UNC13C: variants seen among roughly 807,000 people sequenced by gnomAD.
UNC13C encodes the protein unc-13 homolog C, also known as protein unc-13 homolog C.
Under a neutral mutation model 245.4 loss-of-function variants are expected in UNC13C, and 174 were observed. The observed-to-expected ratio is 0.71, with a 90% CI of 0.63 to 0.80. UNC13C has a LOEUF of 0.80. UNC13C is among the 30% of genes least tolerant of loss of function. UNC13C has a pLI of 0.00. For synonymous variants in UNC13C, 992 were observed against 895.1 expected, an observed-to-expected ratio of 1.11 and a Z score of -1.93; for missense variants, 2,829 against 2,602.9, an observed-to-expected ratio of 1.09 and a Z score of -1.89.
chr15:54,244,664 T>C (rs1409056191), intron 7 of UNC13C, among the ~76,000 whole-genome samples: 4 of 152,214 alleles, frequency 2.6e-5, no homozygotes, highest in East Asian at 1.9e-4. Context: ...TAGTTTGTAG[T>C]TCTCCTTGAA....
At chr15:53,870,000 T>C in the UNC13C span, among the ~76,000 whole-genome samples, 4 of 152,224 alleles carry the variant, frequency 2.6e-5, no homozygotes, top group Non-Finnish European at 2.9e-5. Flanking sequence ...CCTAAGACTT[T>C]TGCAAAATCT....
At chr15:54,060,993 G>A (rs912516645) in intron 2 of UNC13C, among the ~76,000 whole-genome samples, 4 of 152,070 alleles carry the variant, frequency 2.6e-5, no homozygotes, top group African/African-American at 4.8e-5. Flanking sequence ...GGGAGGGAGA[G>A]CATTAGGAGA....
intron 19 of UNC13C, among the ~76,000 whole-genome samples, chr15:54,433,964 A>C (rs2040926623): frequency 6.6e-6 from 1 of 152,288 alleles, no homozygotes; most frequent in East Asian, 1.9e-4. Flanking sequence ...CCAAGTCATG[A>C]GTGAACTCCT....
chr15:54,326,498 G>A (rs1413304017), intron 14 of UNC13C, among the ~76,000 whole-genome samples: 8 of 152,004 alleles, frequency 5.3e-5, no homozygotes, highest in African/African-American at 1.9e-4. Context: ...ACTCTAGGCT[G>A]AAATTTTGCA....
intron 2 of UNC13C, among the ~76,000 whole-genome samples, chr15:54,019,198 T>C (rs569302075): frequency 1.3e-5 from 2 of 152,356 alleles, no homozygotes; most frequent in South Asian, 4.1e-4. Context: ...ATTCAGCTAA[T>C]AAGTGGTGGA....
At chr15:54,322,145 A>G (rs1447411219) in intron 14 of UNC13C, 50 bp downstream of exon 14, 3 of 1,469,074 alleles carry the variant, frequency 2.0e-6, no homozygotes, top group Non-Finnish European at 2.7e-6. Flanking sequence ...TATGGGAGTT[A>G]CATTTCAAGA....
intron 2 of UNC13C, among the ~76,000 whole-genome samples, chr15:54,061,834 A>C (rs1191982236): frequency 1.3e-5 from 2 of 152,216 alleles, no homozygotes; most frequent in East Asian, 3.9e-4. Flanking sequence ...ATTGAAAACC[A>C]GAAAGAGACT....
At chr15:53,984,034 T>C (rs993608706) in intron 1 of UNC13C, among the ~76,000 whole-genome samples, 17 of 152,062 alleles carry the variant, frequency 1.1e-4, no homozygotes, top group Admixed American at 8.5e-4. Flanking sequence ...AATCTTCCAA[T>C]TGTTTTATCT....
At chr15:53,847,511 C>A in the UNC13C span, among the ~76,000 whole-genome samples, 2 of 148,134 alleles carry the variant, frequency 1.4e-5, no homozygotes, top group African/African-American at 5.0e-5. Flanking sequence ...TGTCCACCAC[C>A]ATGCCTGGCT....
chr15:54,093,754 G>T (rs754300060), intron 2 of UNC13C, among the ~76,000 whole-genome samples: 4 of 152,088 alleles, frequency 2.6e-5, no homozygotes, highest in African/African-American at 9.7e-5. Flanking sequence ...TTTCAATTCC[G>T]ATGGAGAAAA....
intron 30 of UNC13C, among the ~76,000 whole-genome samples, chr15:54,589,747 A>C (rs1898686221): frequency 1.3e-5 from 2 of 151,602 alleles, no homozygotes; most frequent in South Asian, 4.2e-4. Flanking sequence ...ATTTTCTCCC[A>C]CTCTGTGGAT....
intron 2 of UNC13C, among the ~76,000 whole-genome samples, chr15:54,089,424 C>A (rs761782370): frequency 1.3e-5 from 2 of 152,006 alleles, no homozygotes; most frequent in Non-Finnish European, 2.9e-5. Flanking sequence ...GCCAGAGAAG[C>A]AAAATTTCAA....
At chr15:54,076,966 A>G (rs1013394447) in intron 2 of UNC13C, among the ~76,000 whole-genome samples, 8 of 152,220 alleles carry the variant, frequency 5.3e-5, no homozygotes, top group African/African-American at 4.8e-5. Flanking sequence ...AATCTGTGGA[A>G]TGGTATTTTA....
chr15:54,426,643 AGAAGT>A (rs1010332979), intron 19 of UNC13C, among the ~76,000 whole-genome samples: 2 of 151,476 alleles, frequency 1.3e-5, no homozygotes, highest in Non-Finnish European at 3.0e-5. Context: ...GTAAATAGTA[AGAAGT>A]AGAGATTATT....
chr15:54,125,242 T>C (rs2030958795), intron 2 of UNC13C, among the ~76,000 whole-genome samples: 2 of 152,092 alleles, frequency 1.3e-5, no homozygotes, highest in Admixed American at 1.3e-4. Flanking sequence ...GGCAGGTGGA[T>C]CGTGAGGTCA....
the UNC13C span, among the ~76,000 whole-genome samples, chr15:53,971,146 T>C: frequency 6.6e-6 from 1 of 152,196 alleles, no homozygotes; most frequent in South Asian, 2.1e-4. Context: ...TGGGCATTTG[T>C]ATATCTTCTT....
intron 7 of UNC13C, among the ~76,000 whole-genome samples, chr15:54,245,267 T>C (rs1317381600): frequency 6.6e-6 from 1 of 152,206 alleles, no homozygotes. Context: ...TCTATCATAT[T>C]TTGTTTTCAG....
chr15:54,190,638 T>G (rs1263318702), intron 4 of UNC13C, among the ~76,000 whole-genome samples: 6 of 152,120 alleles, frequency 3.9e-5, no homozygotes, highest in Non-Finnish European at 8.8e-5. Flanking sequence ...TATCACAATA[T>G]CCATGAGGGA....
At chr15:53,961,528 C>A in the UNC13C span, among the ~76,000 whole-genome samples, 3 of 152,190 alleles carry the variant, frequency 2.0e-5, no homozygotes, top group African/African-American at 7.2e-5. Flanking sequence ...TCAGCAAGGG[C>A]AGCATAGAGT....
Sources: allele counts gnomAD v4.1 joint callset (sites outside exome capture counted in the v4.1 genomes callset), GRCh38; gene constraint gnomAD v4.1.1; transcripts MANE v1.5; gene names NCBI Gene and HGNC (gene_info 2026-07-23, HGNC 2026-07-21).